FBXW7: variants seen among roughly 807,000 people sequenced by gnomAD.
FBXW7 encodes F-box/WD repeat-containing protein 7.
A neutral mutation model predicts 86.3 loss-of-function variants in FBXW7; 11 were observed. That is an observed-to-expected ratio of 0.13 (90% CI 0.08 to 0.21). FBXW7 has a LOEUF of 0.21. Ranked by LOEUF, FBXW7 falls within the 10% of genes least tolerant of loss-of-function variation. The pLI is 1.00. For synonymous variants in FBXW7, 313 were observed against 297.9 expected (o/e 1.05, Z -0.52); for missense variants, 488 against 847.4 (o/e 0.58, Z 5.27).
At chr4:152,456,377 A>C (rs928121432) in intron 2 of FBXW7, among the ~76,000 whole-genome samples, 8 of 149,710 alleles carry the variant, frequency 5.3e-5, no homozygotes, top group Middle Eastern at 3.4e-3. Context: ...AAAAAAAAAA[A>C]AAAAAAAAAA....
At chr4:152,454,505 C>T (rs1239838298) in intron 2 of FBXW7, among the ~76,000 whole-genome samples, 1 of 152,038 alleles carries the variant, frequency 6.6e-6, no homozygotes, top group Non-Finnish European at 1.5e-5. Flanking sequence ...GCTCTTCTAA[C>T]TTCAGAGAAG....
chr4:152,330,646 A>AT (rs755904031), intron 9 of FBXW7, 86 bp downstream of exon 9: 151 of 1,199,788 alleles, frequency 1.3e-4, no homozygotes, highest in Non-Finnish European at 1.6e-4. Context: ...GAGGAGTGTC[A>AT]TATTATACAG....
chr4:152,323,441 G>C, intron 13 of FBXW7: 1 of 431,564 alleles, frequency 2.3e-6, no homozygotes. Context: ...GCATTCCTTG[G>C]TGAGGATGTA....
At chr4:152,348,102 ACAAT>A (rs1731442400) in intron 5 of FBXW7, among the ~76,000 whole-genome samples, 2 of 152,204 alleles carry the variant, frequency 1.3e-5, no homozygotes, top group South Asian at 2.1e-4. Flanking sequence ...GTAATAGTTA[ACAAT>A]CAAACTCTGA....
At chr4:152,467,779 A>G (rs528467137) in intron 2 of FBXW7, among the ~76,000 whole-genome samples, 1 of 152,340 alleles carries the variant, frequency 6.6e-6, no homozygotes, top group South Asian at 2.1e-4. Context: ...AATCTGCAAT[A>G]TAACACCAAA....
At chr4:152,473,239 CCAAAAA>C (rs905491708) in intron 2 of FBXW7, among the ~76,000 whole-genome samples, 58 of 152,180 alleles carry the variant, frequency 3.8e-4, no homozygotes, top group Middle Eastern at 3.4e-3. Flanking sequence ...AAGACTGTCT[CCAAAAA>C]CAAAAACAAA....
intron 4 of FBXW7, among the ~76,000 whole-genome samples, chr4:152,366,804 CTACAA>C (rs1264821664): frequency 1.3e-5 from 2 of 152,168 alleles, no homozygotes; most frequent in African/African-American, 4.8e-5. Context: ...ATAAATCATG[CTACAA>C]TAAAGACACA....
At chr4:152,526,667 G>A (rs1749541594) in intron 2 of FBXW7, among the ~76,000 whole-genome samples, 1 of 152,138 alleles carries the variant, frequency 6.6e-6, no homozygotes, top group Admixed American at 6.5e-5. Flanking sequence ...AGGGGTTAAA[G>A]AGATGGGCAA....
chr4:152,344,780 TAGCA>T (rs1318298697), intron 6 of FBXW7, among the ~76,000 whole-genome samples: 2 of 152,104 alleles, frequency 1.3e-5, no homozygotes, highest in Middle Eastern at 3.2e-3. Context: ...ATATCCTAGA[TAGCA>T]AGCAAAGAAT....
chr4:152,368,263 T>C (rs1291082084), intron 4 of FBXW7, among the ~76,000 whole-genome samples: 3 of 152,214 alleles, frequency 2.0e-5, no homozygotes, highest in South Asian at 2.1e-4. Context: ...TACTGCATTA[T>C]AACAAAGCTA....
chr4:152,524,612 G>A (rs903348798), intron 2 of FBXW7, among the ~76,000 whole-genome samples: 1 of 151,968 alleles, frequency 6.6e-6, no homozygotes, highest in African/African-American at 2.4e-5. Context: ...GAAATAACAG[G>A]GTGTGACCTC....
chr4:152,408,402 C>T (rs1276762881), intron 4 of FBXW7, among the ~76,000 whole-genome samples: 2 of 152,184 alleles, frequency 1.3e-5, no homozygotes, highest in African/African-American at 2.4e-5. Flanking sequence ...AAGAGACAGA[C>T]ATTTGTATCT....
At chr4:152,513,207 G>A (rs1012844210) in intron 2 of FBXW7, among the ~76,000 whole-genome samples, 4 of 151,946 alleles carry the variant, frequency 2.6e-5, no homozygotes, top group Non-Finnish European at 4.4e-5. Context: ...AAATTATGCC[G>A]GCCTGAATTG....
At chr4:152,361,689 AC>A (rs1230548438) in intron 4 of FBXW7, among the ~76,000 whole-genome samples, 6 of 152,138 alleles carry the variant, frequency 3.9e-5, no homozygotes, top group African/African-American at 1.4e-4. Flanking sequence ...TTGAAAACTA[AC>A]TTTTGACAGG....
intron 4 of FBXW7, among the ~76,000 whole-genome samples, chr4:152,373,915 T>TG (rs1734236848): frequency 6.6e-6 from 1 of 152,040 alleles, no homozygotes; most frequent in Non-Finnish European, 1.5e-5. Context: ...CTCATGTTGA[T>TG]GCATGATGTG....
Position 152,535,050 on chromosome 4 carries a change from G to A in FBXW7, c.-212-17C>T, listed in dbSNP as rs1750387700. 1 of 152,464 alleles carries A rather than the reference G, an allele frequency of 6.6e-6. No homozygotes were observed. The allele number at this position is 152,464 out of a possible 1,614,324, so 9.4% of individuals were successfully genotyped here. Reference sequence around the variant, plus strand: ...GGCGCGGTACTGAGGAAGAAGCGGTGCTCGTGTCGCTAAACCAGGCGGCAA... The same window carrying A: ...GGCGCGGTACTGAGGAAGAAGCGGTACTCGTGTCGCTAAACCAGGCGGCAA... On this transcript the variant is annotated splice_polypyrimidine_tract_variant and intron_variant, in intron 1 of 13. Transcript: ENST00000281708.
At chr4:152,491,998 A>G (rs2149685829) in intron 2 of FBXW7, among the ~76,000 whole-genome samples, 1 of 152,290 alleles carries the variant, frequency 6.6e-6, no homozygotes, top group East Asian at 1.9e-4. Flanking sequence ...GATATGGAAC[A>G]TTTTCATCAC....
intron 2 of FBXW7, chr4:152,530,382 T>A (rs1749923616): frequency 6.6e-6 from 1 of 152,194 alleles, no homozygotes; most frequent in South Asian, 2.1e-4. Context: ...ACACACGAAG[T>A]AAATGCTTTA....
chr4:152,404,967 G>A (rs1419091027), intron 4 of FBXW7, among the ~76,000 whole-genome samples: 1 of 151,690 alleles, frequency 6.6e-6, no homozygotes, highest in East Asian at 1.9e-4. Flanking sequence ...GTGGTGCCAC[G>A]AGTGGTCCCA....
Sources: gnomAD v4.1 joint callset for allele counts (sites outside exome capture counted in the v4.1 genomes callset) on GRCh38, gnomAD v4.1.1 for gene constraint, MANE v1.5 for transcripts, NCBI Gene and HGNC (gene_info 2026-07-23, HGNC 2026-07-21) for gene names.